The following FBXO39 variants were observed in gnomAD, a reference collection of about 807,000 sequenced individuals.
The protein encoded by FBXO39 is F-box protein 39.
Under a neutral mutation model 36.6 loss-of-function variants are expected in FBXO39, and 22 were observed. That is an observed-to-expected ratio of 0.60 (90% CI 0.43 to 0.86). The LOEUF (loss-of-function observed/expected upper bound fraction) is 0.86, where lower values mean the gene tolerates loss of function less well. Ranked by LOEUF, FBXO39 falls within the 40% of genes least tolerant of loss-of-function variation. The pLI is 0.00. For synonymous variants in FBXO39, 206 were observed against 205.8 expected (o/e 1.00, Z -0.01); for missense variants, 536 against 543.9 (o/e 0.99, Z 0.14).
intron 1 of FBXO39, 135 bp from the exon 2 acceptor site, chr17:6,779,654 T>C (rs1976478430): frequency 1.7e-6 from 1 of 584,604 alleles, no homozygotes. Context: ...AGGTGTGGAC[T>C]GTGTCATGAA....
At chr17:6,776,526 C>T (rs1312718623) in intron 1 of FBXO39, among the ~76,000 whole-genome samples, 2 of 152,146 alleles carry the variant, frequency 1.3e-5, no homozygotes, top group Non-Finnish European at 2.9e-5. Flanking sequence ...GTGGACCAAC[C>T]CTGGGTTCGA....
chr17:6,779,653 C>G (rs1233168198), intron 1 of FBXO39, 136 bp from the exon 2 acceptor site: 1 of 583,154 alleles, frequency 1.7e-6, no homozygotes, highest in Non-Finnish European at 3.0e-6. Flanking sequence ...CAGGTGTGGA[C>G]TGTGTCATGA....
Position 6,787,249 on chromosome 17 carries a change from T to TGCACGC in FBXO39, c.1201-50_1201-49insCACGCG, listed in dbSNP as rs750487814. 9.0e-6 allele frequency: 14 copies of TGCACGC among 1,553,146 alleles called. No homozygotes were observed. The African/African-American group carries it at 9.8e-5, about 11-fold the overall frequency. On this transcript the variant is annotated intron_variant, in intron 3 of 3. Coordinates refer to ENST00000321535, the MANE Select transcript of FBXO39 (RefSeq NM_153230.3). ...GTGTGTGTGTGTGTATGTGTGTGTG[T>TGCACGC]GTGTGCGTGTGTGCGTGCTCATATG...
chr17:6,783,201 G>A (rs772199726), intron 2 of FBXO39, among the ~76,000 whole-genome samples: 2 of 152,082 alleles, frequency 1.3e-5, no homozygotes, highest in African/African-American at 2.4e-5. Flanking sequence ...GAAGGAAATT[G>A]AAATATTTTT....
At chr17:6,782,717 G>A (rs776379038) in intron 2 of FBXO39, among the ~76,000 whole-genome samples, 2 of 152,042 alleles carry the variant, frequency 1.3e-5, no homozygotes, top group South Asian at 2.1e-4. Flanking sequence ...TCAGCAAGAG[G>A]ATATAACAAT....
At chr17:6,786,500 A>G (rs1030010821) in intron 2 of FBXO39, among the ~76,000 whole-genome samples, 1 of 152,204 alleles carries the variant, frequency 6.6e-6, no homozygotes, top group Non-Finnish European at 1.5e-5. Context: ...CTAAAAGAGT[A>G]TAATTGGATT....
At chr17:6,776,978 C>T (rs1851366812) in intron 1 of FBXO39, among the ~76,000 whole-genome samples, 2 of 152,116 alleles carry the variant, frequency 1.3e-5, no homozygotes, top group Admixed American at 6.5e-5. Flanking sequence ...CTCCTTACAG[C>T]AACTCTTCCA....
chr17:6,780,327 G>C lies in FBXO39; in HGVS notation c.459G>C (p.Leu153Phe). ...TCAGGAGCTCATTCATCAGCAGCTT[G>C]AGCTTCTTCTTAAAGAAGATGGGCA... ...NSIRSSFISS[L>F]SFFLKKMGKR... Residue 153 changes from leucine to phenylalanine, a missense_variant, in exon 2 of 4, where the codon TTG becomes TTC. Transcript: ENST00000321535. 6.2e-7 allele frequency: 1 copy of C among 1,614,154 alleles called. No individual in the cohort carries two copies. Among genetic ancestry groups the C allele is most frequent in the Non-Finnish European group, 8.5e-7 (1 of 1,180,044 alleles).
At chr17:6,786,993 G>T in intron 3 of FBXO39, 37 bp downstream of exon 3, 2 of 1,580,328 alleles carry the variant, frequency 1.3e-6, no homozygotes, top group South Asian at 2.3e-5. Flanking sequence ...GGCGTAGAGT[G>T]GGGGCATCCA....
chr17:6,787,197 T>A, intron 3 of FBXO39, 103 bp from the exon 4 acceptor site: 1 of 1,479,214 alleles, frequency 6.8e-7, no homozygotes, highest in Non-Finnish European at 9.0e-7. Flanking sequence ...TTTAAGTTGC[T>A]GTCAAGCCCT....
intron 1 of FBXO39, among the ~76,000 whole-genome samples, chr17:6,778,185 G>A (rs904871888): frequency 6.6e-6 from 1 of 152,194 alleles, no homozygotes; most frequent in African/African-American, 2.4e-5. Flanking sequence ...GAATAAGTCC[G>A]ACAAACAGTA....
intron 2 of FBXO39, 27 bp from the exon 3 acceptor site, chr17:6,786,753 A>G: frequency 6.4e-7 from 1 of 1,574,796 alleles, no homozygotes; most frequent in Non-Finnish European, 8.6e-7. Flanking sequence ...CTGCCCACAC[A>G]CATCTTCCCT....
At chr17:6,777,599 T>A (rs1976448389) in intron 1 of FBXO39, among the ~76,000 whole-genome samples, 1 of 152,204 alleles carries the variant, frequency 6.6e-6, no homozygotes, top group Admixed American at 6.5e-5. Flanking sequence ...GGAGCTTTGC[T>A]TGGTGGTGAG....
At chr17:6,776,605 C>T (rs1976415718) in intron 1 of FBXO39, among the ~76,000 whole-genome samples, 1 of 152,156 alleles carries the variant, frequency 6.6e-6, no homozygotes. Context: ...CCTCCGTTTC[C>T]GTATTTGTGA....
rs368045455 is a variant in FBXO39, at chr17:6,779,875, G to A, written c.7G>A (p.Glu3Lys). The A allele has an allele frequency of 2.1e-5, 34 of 1,613,836 alleles. No homozygotes were observed. Among genetic ancestry groups the A allele is most frequent in the East Asian group, 1.1e-4 (5 of 44,904 alleles). Residue 3 changes from glutamate to lysine, a missense_variant, in exon 2 of 4, where the codon GAA becomes AAA. Coordinates refer to ENST00000321535, the MANE Select transcript of FBXO39 (RefSeq NM_153230.3). MD[E>K]ESELIQPQDQ... is the part of the protein sequence containing the mutation. The stretch of plus-strand genomic sequence containing the variant: ...TGTACATCCCAGTTCCTGGATGGAC[G>A]AAGAAAGTGAACTGATCCAGCCCCA...
chr17:6,779,803 C>T lies in FBXO39; in HGVS notation c.-66C>T, dbSNP rs1241356137. ...ATTCCCCACAGAAAGCAAGTGATTGCTTTCCTTTCCTCATTTTTGGAAGCC... is the reference window on the plus strand; with the variant it reads ...ATTCCCCACAGAAAGCAAGTGATTGTTTTCCTTTCCTCATTTTTGGAAGCC... On this transcript the variant is annotated 5_prime_UTR_variant, in exon 2 of 4. Coordinates refer to ENST00000321535, the MANE Select transcript of FBXO39 (RefSeq NM_153230.3). The T allele has an allele frequency of 8.7e-6, 13 of 1,498,870 alleles. No individual in the cohort carries two copies. Among genetic ancestry groups the T allele is most frequent in the Admixed American group, 5.9e-5 (3 of 51,056 alleles). 92.8% of individuals were successfully genotyped at this position (1,498,870 alleles called of 1,614,324 possible). A position where few individuals can be genotyped will look rare whatever the true frequency, so the allele number is the denominator to read the frequency against.
At chr17:6,779,726 C>G in intron 1 of FBXO39, 63 bp from the exon 2 acceptor site, 1 of 873,776 alleles carries the variant, frequency 1.1e-6, no homozygotes, top group Non-Finnish European at 1.7e-6. Context: ...ACAGGGAAAG[C>G]TGGTTCATTT....
chr17:6,780,199 A>C lies in FBXO39; in HGVS notation c.331A>C (p.Thr111Pro). The C allele has an allele frequency of 6.2e-7, 1 of 1,614,198 alleles. No individual in the cohort carries two copies. Among genetic ancestry groups the C allele is most frequent in the Non-Finnish European group, 8.5e-7 (1 of 1,180,020 alleles). Reference sequence around the variant, plus strand: ...TGTCTTGACCAAGAAGTTCCAGGTCACCATGCGGGGCCTCCTGTCTTGTCT... The same window carrying C: ...TGTCTTGACCAAGAAGTTCCAGGTCCCCATGCGGGGCCTCCTGTCTTGTCT... The part of the protein sequence containing the change: ...NAVLTKKFQV[T>P]MRGLLSCLSK... The change falls in exon 2 of 4, where the codon ACC becomes CCC. Residue 111 changes from threonine (T) to proline (P), a missense_variant. Coordinates refer to ENST00000321535, the MANE Select transcript of FBXO39 (RefSeq NM_153230.3).
intron 2 of FBXO39, among the ~76,000 whole-genome samples, chr17:6,786,446 G>T (rs1237326839): frequency 6.6e-6 from 1 of 151,798 alleles, no homozygotes; most frequent in Non-Finnish European, 1.5e-5. Flanking sequence ...AGCACGACAG[G>T]GTGTCTATAG....
Sources: gnomAD v4.1 joint callset for allele counts (sites outside exome capture counted in the v4.1 genomes callset) on GRCh38, gnomAD v4.1.1 for gene constraint, MANE v1.5 for transcripts, NCBI Gene and HGNC (gene_info 2026-07-23, HGNC 2026-07-21) for gene names.